UNC13C: variants seen among roughly 807,000 people sequenced by gnomAD.
UNC13C encodes the protein unc-13 homolog C.
UNC13C carries 174 observed loss-of-function variants against 245.4 expected under a neutral mutation model. The ratio of observed to expected loss-of-function variants is 0.71; its 90% CI spans 0.63 to 0.80. UNC13C has a LOEUF of 0.80. Among genes scored for constraint, UNC13C ranks in the 30% least tolerant of loss-of-function variants. UNC13C has a pLI of 0.00. For missense variants in UNC13C, 2,829 were observed against 2,602.9 expected (o/e 1.09, Z -1.89); for synonymous variants, 992 against 895.1 (o/e 1.11, Z -1.93).
chr15:54,466,146 C>T (rs1388539420), intron 19 of UNC13C, among the ~76,000 whole-genome samples: 1 of 151,840 alleles, frequency 6.6e-6, no homozygotes, highest in Non-Finnish European at 1.5e-5. Context: ...GAATTGATCT[C>T]ATGGAGGTGG....
chr15:54,456,134 C>T (rs191224382), intron 19 of UNC13C, among the ~76,000 whole-genome samples: 14 of 151,976 alleles, frequency 9.2e-5, no homozygotes, highest in Non-Finnish European at 2.1e-4. Flanking sequence ...TTCCTTTCCC[C>T]ACTTTGCCGA....
At chr15:54,178,108 A>G (rs1355631742) in intron 4 of UNC13C, among the ~76,000 whole-genome samples, 1 of 152,062 alleles carries the variant, frequency 6.6e-6, no homozygotes, top group African/African-American at 2.4e-5. Context: ...ATTATTCTCT[A>G]TTTTTCAGCT....
chr15:54,544,330 A>G (rs895747423), intron 26 of UNC13C, among the ~76,000 whole-genome samples: 2 of 152,144 alleles, frequency 1.3e-5, no homozygotes, highest in Non-Finnish European at 2.9e-5. Context: ...ACAAACCCAC[A>G]GCCAATATCA....
chr15:54,412,129 C>G (rs965613232), intron 18 of UNC13C, among the ~76,000 whole-genome samples: 1 of 151,906 alleles, frequency 6.6e-6, no homozygotes, highest in Non-Finnish European at 1.5e-5. Context: ...TCGCTTGAAC[C>G]CAGGAGGTGG....
intron 2 of UNC13C, among the ~76,000 whole-genome samples, chr15:54,141,454 G>C (rs569958904): frequency 4.6e-5 from 7 of 151,850 alleles, no homozygotes; most frequent in Non-Finnish European, 8.8e-5. Flanking sequence ...CACATAAATT[G>C]CTGACTGTAA....
At chr15:54,238,715 G>T (rs1192582263) in intron 7 of UNC13C, among the ~76,000 whole-genome samples, 1 of 152,102 alleles carries the variant, frequency 6.6e-6, no homozygotes, top group Non-Finnish European at 1.5e-5. Context: ...CTTGTTTGTT[G>T]TTCTTGTTGA....
chr15:53,892,008 C>G, the UNC13C span, among the ~76,000 whole-genome samples: 24 of 152,250 alleles, frequency 1.6e-4, 1 homozygote, highest in East Asian at 4.4e-3. Flanking sequence ...CCGGTTGTTC[C>G]TTTCCAAGTT....
chr15:54,515,614 A>T (rs1008647083), intron 24 of UNC13C, among the ~76,000 whole-genome samples: 1 of 152,170 alleles, frequency 6.6e-6, no homozygotes, highest in Non-Finnish European at 1.5e-5. Flanking sequence ...TTGTGTTATG[A>T]TCATTGATTT....
At chr15:54,276,489 C>G (rs2036835519) in intron 10 of UNC13C, among the ~76,000 whole-genome samples, 1 of 152,064 alleles carries the variant, frequency 6.6e-6, no homozygotes. Context: ...CCTTTGTGGT[C>G]TGGCATTAAT....
intron 2 of UNC13C, among the ~76,000 whole-genome samples, chr15:54,030,387 G>A (rs1205698135): frequency 6.6e-6 from 1 of 151,858 alleles, no homozygotes; most frequent in African/African-American, 2.4e-5. Context: ...ACAAACTCCT[G>A]TGAACAATAT....
intron 13 of UNC13C, among the ~76,000 whole-genome samples, chr15:54,319,803 A>G (rs1305497063): frequency 6.7e-6 from 1 of 148,260 alleles, no homozygotes; most frequent in Non-Finnish European, 1.5e-5. Flanking sequence ...TCTTTCCTCC[A>G]TGTATATTTT....
intron 10 of UNC13C, among the ~76,000 whole-genome samples, chr15:54,272,172 G>C (rs973715698): frequency 6.6e-6 from 1 of 152,114 alleles, no homozygotes. Flanking sequence ...TAATGCTGTA[G>C]TTTAGAAGCA....
intron 17 of UNC13C, among the ~76,000 whole-genome samples, chr15:54,386,413 C>T (rs1309226646): frequency 1.3e-5 from 2 of 152,148 alleles, no homozygotes; most frequent in Non-Finnish European, 2.9e-5. Context: ...TAATAAAAAA[C>T]ATGGAAGGCC....
chr15:54,249,962 G>A (rs1483610126), intron 7 of UNC13C, among the ~76,000 whole-genome samples: 2 of 152,132 alleles, frequency 1.3e-5, no homozygotes, highest in Non-Finnish European at 2.9e-5. Context: ...TGGGAAAGAA[G>A]CTGCAGACAG....
intron 4 of UNC13C, among the ~76,000 whole-genome samples, chr15:54,182,813 C>T (rs746681347): frequency 6.6e-6 from 1 of 150,992 alleles, no homozygotes; most frequent in African/African-American, 2.4e-5. Context: ...TAGAAAAGTA[C>T]CAGAAAGAGA....
chr15:53,976,699 T>A (rs1444780078), upstream of UNC13C: 1 of 152,062 alleles, frequency 6.6e-6, no homozygotes, highest in Non-Finnish European at 1.5e-5. Flanking sequence ...ATTTATTTCC[T>A]TCTGTAGGTT....
intron 19 of UNC13C, among the ~76,000 whole-genome samples, chr15:54,481,461 G>A (rs147581803): frequency 6.7e-4 from 102 of 152,280 alleles, no homozygotes; most frequent in African/African-American, 2.4e-3. Flanking sequence ...AGGGTGAGCT[G>A]ATCTTCAGGG....
chr15:54,094,284 C>G (rs529004734), intron 2 of UNC13C, among the ~76,000 whole-genome samples: 1 of 152,286 alleles, frequency 6.6e-6, no homozygotes, highest in South Asian at 2.1e-4. Context: ...TGACAGCACT[C>G]CCAGCCTCTC....
In UNC13C at chr15:54,165,991, G is replaced by T. The variant is rs143315310; in HGVS notation, c.3071+22307G>T. Among the ~76,000 whole-genome samples, 6 of 151,908 alleles carry T rather than the reference G, an allele frequency of 3.9e-5. No individual in the cohort carries two copies. The East Asian group carries it at 1.2e-3, about 29-fold the overall frequency. The stretch of plus-strand genomic sequence containing the variant: ...TGCATTTGTTATTTTGTGATTGTTC[G>T]TCTATTGTTCTCATTACATTTATCT... On this transcript the variant is annotated intron_variant, in intron 4 of 32. Transcript: ENST00000260323.
Sources: gnomAD v4.1 joint callset for allele counts (sites outside exome capture counted in the v4.1 genomes callset) on GRCh38, gnomAD v4.1.1 for gene constraint, MANE v1.5 for transcripts, NCBI Gene and HGNC (gene_info 2026-07-23, HGNC 2026-07-21) for gene names.